SLC5A12: variants seen among roughly 807,000 people sequenced by gnomAD.
SLC5A12 encodes the protein sodium-coupled monocarboxylate transporter 2.
In SLC5A12, 46 loss-of-function variants were observed where a neutral mutation model predicts 72.7. That is an observed-to-expected ratio of 0.63 (90% CI 0.50 to 0.81). SLC5A12 has a LOEUF of 0.81. SLC5A12 is among the 30% of genes least tolerant of loss of function. SLC5A12 has a pLI of 0.00. For synonymous variants in SLC5A12, 275 were observed against 264.4 expected (o/e 1.04, Z -0.39); for missense variants, 683 against 740.7 (o/e 0.92, Z 0.90).
In SLC5A12 at chr11:26,670,961, A is replaced by C. The variant is rs984011452; in HGVS notation, c.*141T>G. The C allele has an allele frequency of 1.8e-5, 12 of 667,122 alleles. No individual in the cohort carries two copies. In the African/African-American group the frequency reaches 2.1e-4, roughly 11 times the overall value. 41.3% of individuals were successfully genotyped at this position (667,122 alleles called of 1,614,324 possible). A position where few individuals can be genotyped will look rare whatever the true frequency, so the allele number is the denominator to read the frequency against. On this transcript the variant is annotated 3_prime_UTR_variant, in exon 15 of 15. Transcript: ENST00000396005. Reference sequence around the variant, plus strand: ...GTCATTTTGCATGTAGTTATAAATAAGTAGAAATAGGCACCAGACATCCCT... The same window carrying C: ...GTCATTTTGCATGTAGTTATAAATACGTAGAAATAGGCACCAGACATCCCT...
intron 10 of SLC5A12, among the ~76,000 whole-genome samples, chr11:26,684,110 A>G (rs1245445287): frequency 1.3e-5 from 2 of 152,064 alleles, no homozygotes; most frequent in African/African-American, 4.8e-5. Flanking sequence ...GTTGAAACTC[A>G]TTGAACTTCA....
chr11:26,721,684 A>G lies in SLC5A12; in HGVS notation c.31T>C (p.Tyr11His), dbSNP rs781555367. 6.2e-6 allele frequency: 10 copies of G among 1,613,762 alleles called. No homozygotes were observed. The East Asian group carries it at 2.2e-4, about 36-fold the overall frequency. Residue 11 changes from tyrosine to histidine, a missense_variant, in exon 1 of 15, where the codon TAT becomes CAT. Transcript: ENST00000396005. Reference protein sequence around the residue: MEVKNFAVWDYVVFAALFFIS... With the variant: MEVKNFAVWDHVVFAALFFIS... The stretch of plus-strand genomic sequence containing the variant: ...AAAAAGAGGGCTGCAAATACAACAT[A>G]ATCCCAAACTGCAAAGTTCTTCACC...
intron 13 of SLC5A12, among the ~76,000 whole-genome samples, chr11:26,676,183 T>C (rs533691795): frequency 3.9e-5 from 6 of 152,174 alleles, no homozygotes; most frequent in Non-Finnish European, 7.4e-5. Flanking sequence ...TAAATTTCTC[T>C]GATGAGATTA....
At chr11:26,672,955 G>T (rs1457356640) in intron 14 of SLC5A12, among the ~76,000 whole-genome samples, 1 of 152,028 alleles carries the variant, frequency 6.6e-6, no homozygotes, top group African/African-American at 2.4e-5. Context: ...TACTCATCCA[G>T]TTTTTAGATC....
intron 13 of SLC5A12, among the ~76,000 whole-genome samples, chr11:26,678,324 C>CT (rs370844143): frequency 6.6e-6 from 1 of 151,932 alleles, no homozygotes; most frequent in South Asian, 2.1e-4. Context: ...GTCAAAGCAT[C>CT]TTTTTTTAAA....
intron 3 of SLC5A12, among the ~76,000 whole-genome samples, chr11:26,710,899 G>T (rs12282555): frequency 0.036 from 5,390 of 151,804 alleles, 316 homozygotes; most frequent in African/African-American, 0.12. Context: ...TGAAATAATA[G>T]ACTATAAATT....
In SLC5A12 at chr11:26,721,848, G is replaced by GA; in HGVS notation, c.-135dup. ...GATTCCCTGAAGAAAATGATTACCA[G>GA]AGGCACTCGTGTGAATCTTCAGACA... On this transcript the variant is annotated 5_prime_UTR_variant, in exon 1 of 15. Transcript: ENST00000396005. 1 of 780,126 alleles carries GA rather than the reference G, an allele frequency of 1.3e-6. No homozygotes were observed. The highest frequency in any genetic ancestry group is 2.1e-6 in the Non-Finnish European group (1 of 474,458). 48.3% of individuals were successfully genotyped at this position (780,126 alleles called of 1,614,324 possible).
rs1854055420 is a variant in SLC5A12, at chr11:26,668,680, T to A, written c.*2422A>T. On this transcript the variant is annotated 3_prime_UTR_variant, in exon 15 of 15. Transcript: ENST00000396005. ...CTGCTCTCTACCTGAAACCCTAGAT[T>A]TATGCATGTTTGTTCAATTAAGAAG... 1.3e-5 allele frequency: 2 copies of A among 152,086 alleles called. No individual in the cohort carries two copies. The highest frequency in any genetic ancestry group is 4.8e-5 in the African/African-American group (2 of 41,514). The allele number at this position is 152,086 out of a possible 1,614,324, so 9.4% of individuals were successfully genotyped here.
At chr11:26,704,945 G>C (rs1225048100) in intron 4 of SLC5A12, among the ~76,000 whole-genome samples, 1 of 152,078 alleles carries the variant, frequency 6.6e-6, no homozygotes, top group Non-Finnish European at 1.5e-5. Context: ...AAGAGCTACA[G>C]AATGGTCAAA....
intron 9 of SLC5A12, among the ~76,000 whole-genome samples, chr11:26,687,004 G>A (rs1039120895): frequency 3.9e-5 from 6 of 152,102 alleles, no homozygotes; most frequent in Admixed American, 3.3e-4. Flanking sequence ...TACCTAACAG[G>A]TTTCGCAAAT....
At chr11:26,677,390 T>C (rs917843540) in intron 13 of SLC5A12, among the ~76,000 whole-genome samples, 1 of 152,198 alleles carries the variant, frequency 6.6e-6, no homozygotes, top group Admixed American at 6.5e-5. Context: ...ATGGAAAATA[T>C]GGACTGGCAA....
At chr11:26,715,681 A>G (rs1390311732) in intron 1 of SLC5A12, among the ~76,000 whole-genome samples, 1 of 152,128 alleles carries the variant, frequency 6.6e-6, no homozygotes, top group Non-Finnish European at 1.5e-5. Context: ...AATATATTGC[A>G]AGTACAAATT....
chr11:26,723,097 G>A (rs571324363), upstream of SLC5A12, among the ~76,000 whole-genome samples: 26 of 151,854 alleles, frequency 1.7e-4, no homozygotes, highest in Non-Finnish European at 3.7e-4. Context: ...TATAGCCATT[G>A]TAGAAAATAA....
intron 2 of SLC5A12, among the ~76,000 whole-genome samples, chr11:26,712,319 AAAAC>A (rs2098970724): frequency 6.6e-6 from 1 of 152,094 alleles, no homozygotes; most frequent in African/African-American, 2.4e-5. Flanking sequence ...AACAAAAACA[AAAAC>A]AAAAAAAGCA....
chr11:26,675,398 C>G (rs1565183043), intron 13 of SLC5A12, among the ~76,000 whole-genome samples: 1 of 152,126 alleles, frequency 6.6e-6, no homozygotes, highest in Non-Finnish European at 1.5e-5. Context: ...ATTCTCAAAC[C>G]AGAAGCTCTG....
In SLC5A12 at chr11:26,671,256, G is replaced by A. The variant is rs538875714; in HGVS notation, c.1708-5C>T. On this transcript the variant is annotated splice_region_variant and splice_polypyrimidine_tract_variant and intron_variant, in intron 14 of 14. Transcript: ENST00000396005. ...ACTGCCATTCTCAAGGTTTTCCTGAGGGAAATACAAAGACACATATTAGCA... is the reference window on the plus strand; with the variant it reads ...ACTGCCATTCTCAAGGTTTTCCTGAAGGAAATACAAAGACACATATTAGCA... 1.6e-5 allele frequency: 25 copies of A among 1,589,808 alleles called. No homozygotes were observed. The African/African-American group carries it at 3.1e-4, about 20-fold the overall frequency.
chr11:26,682,012 T>C (rs530757916), intron 11 of SLC5A12, among the ~76,000 whole-genome samples: 8 of 152,096 alleles, frequency 5.3e-5, no homozygotes, highest in African/African-American at 1.7e-4. Flanking sequence ...ACTTGTGCCT[T>C]GGTCTAAACA....
In SLC5A12 at chr11:26,683,640, T is replaced by C. The variant is rs1386240542; in HGVS notation, c.1308+117A>G. 1.8e-5 allele frequency: 13 copies of C among 738,832 alleles called. No individual in the cohort carries two copies. The East Asian group carries it at 3.4e-4, about 19-fold the overall frequency. The allele number at this position is 738,832 out of a possible 1,614,324, so 45.8% of individuals were successfully genotyped here. On this transcript the variant is annotated intron_variant, in intron 11 of 14. Transcript: ENST00000396005. ...AGACTCAAGCTCTGTTTAATTCTGC[T>C]GTGGATTCTTTTCCTGGCTAAGACA...
Position 26,686,047 on chromosome 11 carries a change from G to A in SLC5A12, c.1221+430C>T, listed in dbSNP as rs532649906. 3.3e-5 allele frequency among the ~76,000 whole-genome samples: 5 copies of A among 152,256 alleles called. No individual in the cohort carries two copies. In the South Asian group the frequency reaches 1.0e-3, roughly 32 times the overall value. ...TAATTATACTACCTTTAAGAGAAGT[G>A]ATGAAGATTAAATGAAATAATACAT... On this transcript the variant is annotated intron_variant, in intron 10 of 14. Coordinates refer to ENST00000396005, the MANE Select transcript of SLC5A12 (RefSeq NM_178498.4).
Sources: allele counts gnomAD v4.1 joint callset (sites outside exome capture counted in the v4.1 genomes callset), GRCh38; gene constraint gnomAD v4.1.1; transcripts MANE v1.5; gene names NCBI Gene and HGNC (gene_info 2026-07-23, HGNC 2026-07-21).